The following AGAP3 variants were observed in gnomAD, a reference collection of about 807,000 sequenced individuals.
AGAP3 encodes arf-GAP with GTPase, ANK repeat and PH domain-containing protein 3.
AGAP3 carries 24 observed loss-of-function variants against 96.9 expected under a neutral mutation model. The ratio of observed to expected loss-of-function variants is 0.25; its 90% confidence interval spans 0.18 to 0.35. The LOEUF (loss-of-function observed/expected upper bound fraction) is 0.35. Ranked by LOEUF, AGAP3 falls within the 10% of genes least tolerant of loss-of-function variation. The probability of loss-of-function intolerance (pLI) is 1.00; values close to 1 mark genes in which losing one functional copy is unlikely to be tolerated. For missense variants in AGAP3, 876 were observed against 1,254.2 expected, an observed-to-expected ratio of 0.70 and a Z score of 4.55; for synonymous variants, 563 against 536.1, an observed-to-expected ratio of 1.05 and a Z score of -0.69.
In AGAP3 at chr7:151,143,929, C is replaced by T. The variant is rs1800923965; in HGVS notation, c.2722C>T (p.Pro908Ser). 2 of 1,613,976 alleles carry T rather than the reference C, an allele frequency of 1.2e-6. No homozygotes were observed. The highest frequency in any genetic ancestry group is 1.7e-6 in the Non-Finnish European group (2 of 1,179,962). ...TNPSAELHRS[P>S]SLL Reference sequence around the variant, plus strand: ...CCCCTCTGCTGAGCTGCACCGTAGTCCTAGCCTCCTATAAGGCCCAGGAAG... The same window carrying T: ...CCCCTCTGCTGAGCTGCACCGTAGTTCTAGCCTCCTATAAGGCCCAGGAAG... The change falls in exon 18 of 18, where the codon CCT (proline) becomes TCT (serine). Residue 908 changes from proline (P) to serine (S), a missense_variant. By Grantham distance (74) the Pro-to-Ser change is moderately conservative. Transcript: ENST00000397238. This position sits in a 1 kb window ranked among gnomAD's most constrained non-coding sequence, Gnocchi z 5.9.
chr7:151,091,628 A>G (rs1439557772), intron 1 of AGAP3, among the ~76,000 whole-genome samples: 1 of 152,196 alleles, frequency 6.6e-6, no homozygotes, highest in Non-Finnish European at 1.5e-5. Flanking sequence ...AGGGCAGGGC[A>G]AAGGTCAGAG....
chr7:151,122,448 C>T (rs959502158), intron 8 of AGAP3, among the ~76,000 whole-genome samples: 1 of 152,156 alleles, frequency 6.6e-6, no homozygotes, highest in African/African-American at 2.4e-5. Context: ...GCGAACATAC[C>T]ATTCCGTGCT....
Position 151,143,699 on chromosome 7 carries a change from A to G in AGAP3, c.2530-38A>G, listed in dbSNP as rs1800911207. Reference sequence around the variant, plus strand: ...CCCTACAACCAATCTCTCTCCTCCCATGTCTTGCCAACTGTCAACATGTGT... The same window carrying G: ...CCCTACAACCAATCTCTCTCCTCCCGTGTCTTGCCAACTGTCAACATGTGT... On this transcript the variant is annotated intron_variant, in intron 17 of 17. Coordinates refer to ENST00000397238, the MANE Select transcript of AGAP3 (RefSeq NM_031946.7). The surrounding 1 kb of genome is among the most constrained non-coding windows in gnomAD (Gnocchi z 5.9). The G allele has an allele frequency of 1.2e-6, 2 of 1,612,712 alleles. No individual in the cohort carries two copies. The highest frequency in any genetic ancestry group is 1.1e-5 in the South Asian group (1 of 91,018).
chr7:151,118,639 C>G lies in AGAP3; in HGVS notation c.969+7C>G. ...GGCCGTGCACATCAACCAGGTTCGG[C>G]CTGTGCCCCGCCCTGCCCTTCCTGT... On this transcript the variant is annotated splice_region_variant and intron_variant, in intron 7 of 17. Coordinates refer to ENST00000397238, the MANE Select transcript of AGAP3 (RefSeq NM_031946.7). The surrounding 1 kb of genome is among the most constrained non-coding windows in gnomAD (Gnocchi z 6.1). 1.2e-6 allele frequency: 2 copies of G among 1,611,312 alleles called. No homozygotes were observed. Among genetic ancestry groups the G allele is most frequent in the Non-Finnish European group, 1.7e-6 (2 of 1,179,676 alleles).
At position 151,086,969 on chromosome 7, in the gene AGAP3, C is replaced by T; in HGVS notation, c.228C>T (p.Phe76=). 6.2e-7 allele frequency: 1 copy of T among 1,612,660 alleles called. No homozygotes were observed. The highest frequency in any genetic ancestry group is 8.5e-7 in the Non-Finnish European group (1 of 1,179,486). The change falls in exon 1 of 18, where the codon TTC becomes TTT. Residue 76 remains phenylalanine, a synonymous_variant. Coordinates refer to ENST00000397238, the MANE Select transcript of AGAP3 (RefSeq NM_031946.7). Reference sequence around the variant, plus strand: ...CCATCCGGGCCGAGATCCAGCGCTTCGAGTCCGTGCATCCCAATATCTACG... The same window carrying T: ...CCATCCGGGCCGAGATCCAGCGCTTTGAGTCCGTGCATCCCAATATCTACG... ...SAAIRAEIQR[F]ESVHPNIYAI...
chr7:151,128,302 C>G (rs77602708), intron 9 of AGAP3: 1 of 440,482 alleles, frequency 2.3e-6, no homozygotes, highest in Non-Finnish European at 4.2e-6. Flanking sequence ...CTTCTCCTGT[C>G]GAGGTGGCTC....
chr7:151,112,881 C>T (rs1364710923), intron 1 of AGAP3, among the ~76,000 whole-genome samples: 2 of 151,696 alleles, frequency 1.3e-5, no homozygotes, highest in Non-Finnish European at 2.9e-5. Context: ...GGATTACAGG[C>T]GCGAGACACG....
intron 9 of AGAP3, chr7:151,128,357 C>T: frequency 3.7e-6 from 2 of 538,178 alleles, no homozygotes; most frequent in Non-Finnish European, 6.7e-6. Context: ...AACAGCGGTC[C>T]AGCTGCTTCC....
intron 1 of AGAP3, among the ~76,000 whole-genome samples, chr7:151,105,789 A>ACCC (rs1799025127): frequency 1.7e-4 from 1 of 5,896 alleles, no homozygotes; most frequent in Non-Finnish European, 2.2e-4. Context: ...CCCCCCCCCG[A>ACCC]CACCACACAC....
At chr7:151,107,197 C>A (rs1017164653) in intron 1 of AGAP3, among the ~76,000 whole-genome samples, 1 of 151,856 alleles carries the variant, frequency 6.6e-6, no homozygotes, top group African/African-American at 2.4e-5. Context: ...GTAATCCCAG[C>A]TACTCGGGAG....
At chr7:151,098,733 C>CTTTTTT (rs34617813) in intron 1 of AGAP3, among the ~76,000 whole-genome samples, 127 of 116,090 alleles carry the variant, frequency 1.1e-3, no homozygotes, top group African/African-American at 2.9e-3. Flanking sequence ...ATTTTCTTTT[C>CTTTTTT]TTTTTTTTTT....
chr7:151,110,120 T>A (rs1027320831), intron 1 of AGAP3, among the ~76,000 whole-genome samples: 1 of 152,242 alleles, frequency 6.6e-6, no homozygotes, highest in Admixed American at 6.5e-5. Context: ...TTATTTTGCC[T>A]GTGCCTGTGA....
At chr7:151,122,311 G>T (rs372889066) in intron 8 of AGAP3, among the ~76,000 whole-genome samples, 2 of 152,168 alleles carry the variant, frequency 1.3e-5, no homozygotes, top group Non-Finnish European at 2.9e-5. Flanking sequence ...TCTTTTGCCC[G>T]GTTCTCCTTG....
At chr7:151,093,764 G>C (rs966068458) in intron 1 of AGAP3, among the ~76,000 whole-genome samples, 1 of 152,238 alleles carries the variant, frequency 6.6e-6, no homozygotes, top group Admixed American at 6.5e-5. Flanking sequence ...TCCTAGGCTG[G>C]GAGTCAGGAT....
chr7:151,125,382 G>A (rs1800112788), intron 9 of AGAP3, among the ~76,000 whole-genome samples: 1 of 152,216 alleles, frequency 6.6e-6, no homozygotes. Flanking sequence ...AGGAAGCCCT[G>A]TGAACTTGAA....
intron 1 of AGAP3, chr7:151,116,522 A>C: frequency 1.9e-6 from 1 of 518,416 alleles, no homozygotes; most frequent in Non-Finnish European, 3.4e-6. Context: ...TGGAGCAGGA[A>C]GAGGAGGAAG....
chr7:151,115,625 C>T, intron 1 of AGAP3: 2 of 1,168,044 alleles, frequency 1.7e-6, no homozygotes, highest in Non-Finnish European at 2.1e-6. Flanking sequence ...CCCCGGAGCT[C>T]CTGCGCGCGC....
chr7:151,102,929 A>T (rs187619271), intron 1 of AGAP3, among the ~76,000 whole-genome samples: 14 of 152,346 alleles, frequency 9.2e-5, no homozygotes, highest in Non-Finnish European at 1.5e-5. Flanking sequence ...AAAATTTTTA[A>T]AAATTAGCCA....
Position 151,138,172 on chromosome 7 carries a change from C to T in AGAP3, c.1525C>T (p.Leu509=), listed in dbSNP as rs747390935. The T allele has an allele frequency of 6.2e-7, 1 of 1,608,130 alleles. No homozygotes were observed. The highest frequency in any genetic ancestry group is 8.5e-7 in the Non-Finnish European group (1 of 1,177,920). Reference sequence around the variant, plus strand: ...CCCCCACTCGGCCAGCAGCGCATCCCTGCACTCTGAGCGCCCCCTCAGCAG... The same window carrying T: ...CCCCCACTCGGCCAGCAGCGCATCCTTGCACTCTGAGCGCCCCCTCAGCAG... ...GAPHSASSAS[L]HSERPLSSSA... is the part of the protein sequence containing the mutation. The change falls in exon 12 of 18, where the codon CTG becomes TTG. Residue 509 remains leucine, a synonymous_variant. Coordinates refer to ENST00000397238, the MANE Select transcript of AGAP3 (RefSeq NM_031946.7).
Sources: gnomAD v4.1 joint callset for allele counts (sites outside exome capture counted in the v4.1 genomes callset) on GRCh38, gnomAD v4.1.1 for gene constraint, Gnocchi (gnomAD v3.1) non-coding constraint, MANE v1.5 for transcripts, NCBI Gene and HGNC (gene_info 2026-07-23, HGNC 2026-07-21) for gene names.